The following TSEN15 variants were observed in gnomAD, a reference collection of about 807,000 sequenced individuals.
The protein encoded by TSEN15 is tRNA-splicing endonuclease subunit Sen15.
A neutral mutation model predicts 20.5 loss-of-function variants in TSEN15; 10 were observed. The ratio of observed to expected loss-of-function variants is 0.49; its 90% CI spans 0.30 to 0.83. The LOEUF is 0.83. TSEN15 is among the 40% of genes least tolerant of loss of function. TSEN15 has a pLI of 0.06. For synonymous variants in TSEN15, 72 were observed against 80.1 expected (o/e 0.90, Z 0.54); for missense variants, 180 against 218.6 (o/e 0.82, Z 1.11).
At chr1:184,059,188 T>A (rs578232999) in intron 3 of TSEN15, among the ~76,000 whole-genome samples, 1 of 152,134 alleles carries the variant, frequency 6.6e-6, no homozygotes, top group African/African-American at 2.4e-5. Context: ...TGATAAGTAG[T>A]TTAACAGGGA....
intron 3 of TSEN15, among the ~76,000 whole-genome samples, chr1:184,062,584 A>T (rs772211524): frequency 6.6e-6 from 1 of 152,150 alleles, no homozygotes; most frequent in Non-Finnish European, 1.5e-5. Flanking sequence ...TGGTAAAAGT[A>T]TACTATACTG....
At chr1:184,081,843 T>C (rs1461180220) in intron 3 of TSEN15, among the ~76,000 whole-genome samples, 1 of 152,098 alleles carries the variant, frequency 6.6e-6, no homozygotes, top group East Asian at 1.9e-4. Context: ...AAGAAGATCT[T>C]GTATGGATCA....
chr1:184,067,971 T>TATATATATATATAC (rs1557883607), intron 3 of TSEN15, among the ~76,000 whole-genome samples: 3 of 133,152 alleles, frequency 2.3e-5, no homozygotes, highest in African/African-American at 8.2e-5. Context: ...TATATATATA[T>TATATATATATATAC]GTACATATGT....
intron 3 of TSEN15, among the ~76,000 whole-genome samples, chr1:184,083,198 C>T (rs763126173): frequency 6.6e-6 from 1 of 152,104 alleles, no homozygotes; most frequent in Non-Finnish European, 1.5e-5. Flanking sequence ...ATTCCAGTGG[C>T]AGGGCAAGGA....
At chr1:184,060,947 G>T (rs1213642859) in intron 3 of TSEN15, among the ~76,000 whole-genome samples, 1 of 152,110 alleles carries the variant, frequency 6.6e-6, no homozygotes, top group Non-Finnish European at 1.5e-5. Context: ...TCAAGAAATA[G>T]AACTTTTCTA....
At chr1:184,080,268 C>G (rs1651137120) in intron 3 of TSEN15, among the ~76,000 whole-genome samples, 1 of 152,154 alleles carries the variant, frequency 6.6e-6, no homozygotes, top group Admixed American at 6.6e-5. Context: ...CACAACAGAG[C>G]TGATGTTACT....
intron 3 of TSEN15, among the ~76,000 whole-genome samples, chr1:184,084,372 T>C (rs190882092): frequency 5.3e-4 from 80 of 151,938 alleles, no homozygotes; most frequent in African/African-American, 1.9e-3. Context: ...TTGTTTGATA[T>C]TCTGTTATTC....
chr1:184,064,608 C>T (rs936360448), intron 3 of TSEN15, among the ~76,000 whole-genome samples: 3 of 152,126 alleles, frequency 2.0e-5, no homozygotes, highest in Non-Finnish European at 2.9e-5. Context: ...GAAGCAACCT[C>T]TTAAGGATTA....
At chr1:184,095,765 C>G (rs1392186524) in exon 4 of TSEN15, 1 of 398,266 alleles carries the variant, frequency 2.5e-6, no homozygotes, top group Non-Finnish European at 4.4e-6. Context: ...GAGGCCTCAT[C>G]AGAGATGGAA....
At chr1:184,067,939 A>ATAT (rs1424280759) in intron 3 of TSEN15, among the ~76,000 whole-genome samples, 9 of 113,410 alleles carry the variant, frequency 7.9e-5, no homozygotes, top group South Asian at 3.6e-4. Context: ...AAAAAAAAAA[A>ATAT]AAATATATAT....
chr1:184,095,659 CTCTCTCTCTG>C, intron 3 of TSEN15: 1 of 390,982 alleles, frequency 2.6e-6, no homozygotes. Flanking sequence ...CTCTCTCTCT[CTCTCTCTCTG>C]TGTCTCTCTC....
intron 3 of TSEN15, chr1:184,095,520 A>G: frequency 2.5e-6 from 1 of 392,272 alleles, no homozygotes; most frequent in Non-Finnish European, 4.5e-6. Context: ...CCCTATATGG[A>G]GGTAATCAAA....
intron 3 of TSEN15, among the ~76,000 whole-genome samples, chr1:184,085,326 G>A (rs139682186): frequency 2.0e-5 from 3 of 152,338 alleles, no homozygotes; most frequent in African/African-American, 7.2e-5. Context: ...CTAGCAATTT[G>A]TAGTTGTATA....
intron 3 of TSEN15, among the ~76,000 whole-genome samples, chr1:184,065,306 T>G (rs1650612283): frequency 6.6e-6 from 1 of 152,168 alleles, no homozygotes; most frequent in African/African-American, 2.4e-5. Flanking sequence ...TCCCCTATTA[T>G]TAACATCTTT....
chr1:184,097,109 T>C (rs1651468255), exon 4 of TSEN15: 1 of 152,134 alleles, frequency 6.6e-6, no homozygotes, highest in African/African-American at 2.4e-5. Context: ...GCATTAGAAA[T>C]GGTCCTAAAA....
At chr1:184,072,672 C>T (rs1000018781) in intron 4 of TSEN15, 155 bp from the exon 5 acceptor site, 3 of 683,756 alleles carry the variant, frequency 4.4e-6, no homozygotes, top group Non-Finnish European at 7.4e-6. Flanking sequence ...GACATTTTGA[C>T]AGGAACATTT....
chr1:184,095,631 T>TTCTCTCTC (rs56022269), intron 3 of TSEN15: 30 of 386,248 alleles, frequency 7.8e-5, no homozygotes, highest in African/African-American at 4.3e-4. Flanking sequence ...TCTCTCCCCC[T>TTCTCTCTC]TCTCTCTCTC....
intron 3 of TSEN15, among the ~76,000 whole-genome samples, chr1:184,085,429 T>A (rs941869923): frequency 2.6e-5 from 4 of 152,240 alleles, no homozygotes; most frequent in Non-Finnish European, 5.9e-5. Flanking sequence ...ACATAGTGGG[T>A]GTTCCACAAA....
At chr1:184,064,530 A>G (rs928349424) in intron 3 of TSEN15, among the ~76,000 whole-genome samples, 1 of 151,946 alleles carries the variant, frequency 6.6e-6, no homozygotes, top group Non-Finnish European at 1.5e-5. Flanking sequence ...AGAGACAGAC[A>G]TAGAAAAAAT....
Sources: gnomAD v4.1 joint callset for allele counts (sites outside exome capture counted in the v4.1 genomes callset) on GRCh38, gnomAD v4.1.1 for gene constraint, MANE v1.5 for transcripts, NCBI Gene and HGNC (gene_info 2026-07-23, HGNC 2026-07-21) for gene names.